COL24A1: variants seen among roughly 807,000 people sequenced by gnomAD.
The protein encoded by COL24A1 is collagen alpha-1(XXIV) chain.
In COL24A1, 224 loss-of-function variants were observed where a neutral mutation model predicts 253.9. The ratio of observed to expected loss-of-function variants is 0.88; its 90% CI spans 0.79 to 0.99. The LOEUF (loss-of-function observed/expected upper bound fraction) is 0.99. COL24A1 is among the 50% of genes least tolerant of loss of function. The probability of loss-of-function intolerance (pLI) is 0.00; values close to 1 mark genes in which losing one functional copy is unlikely to be tolerated. For missense variants in COL24A1, 2,131 were observed against 2,068.5 expected (o/e 1.03, Z -0.59); for synonymous variants, 685 against 673.7 (o/e 1.02, Z -0.26).
chr1:86,012,818 A>G (rs1334241970), intron 19 of COL24A1, among the ~76,000 whole-genome samples: 1 of 152,096 alleles, frequency 6.6e-6, no homozygotes, highest in Non-Finnish European at 1.5e-5. Context: ...TCTCCTGCCT[A>G]CTTTTCCAAC....
chr1:85,822,510 C>G (rs1033115910), intron 45 of COL24A1, among the ~76,000 whole-genome samples: 1 of 152,196 alleles, frequency 6.6e-6, no homozygotes, highest in Non-Finnish European at 1.5e-5. Flanking sequence ...CAATGTCTAT[C>G]TGGCCACATG....
chr1:85,849,462 G>GT, intron 37 of COL24A1, 56 bp from the exon 38 acceptor site: 1 of 1,274,154 alleles, frequency 7.8e-7, no homozygotes, highest in East Asian at 2.3e-5. Context: ...ATGAGATGGA[G>GT]TATTTGAATA....
chr1:85,982,377 C>T (rs550644384), intron 20 of COL24A1, among the ~76,000 whole-genome samples: 1 of 152,028 alleles, frequency 6.6e-6, no homozygotes, highest in African/African-American at 2.4e-5. Flanking sequence ...TGTTACAATA[C>T]TGTAAACAAA....
chr1:86,106,832 C>G (rs1705026223), intron 5 of COL24A1, among the ~76,000 whole-genome samples: 1 of 152,150 alleles, frequency 6.6e-6, no homozygotes, highest in African/African-American at 2.4e-5. Context: ...TAATGATCCC[C>G]ATAGTCTTTC....
In COL24A1 at chr1:85,756,950, G is replaced by T. The variant is rs1013174189; in HGVS notation, c.4437+4446C>A. On this transcript the variant is annotated intron_variant, in intron 55 of 59. Coordinates refer to ENST00000370571, the MANE Select transcript of COL24A1 (RefSeq NM_152890.7). Reference sequence around the variant, plus strand: ...ATATTACGTTAAGTGAAATAAGCCAGTCACAAAAAGACAAATATTGTATGA... The same window carrying T: ...ATATTACGTTAAGTGAAATAAGCCATTCACAAAAAGACAAATATTGTATGA... Among the ~76,000 whole-genome samples the T allele has an allele frequency of 1.1e-4, 17 of 152,322 alleles. No homozygotes were observed. The East Asian group carries it at 2.1e-3, about 19-fold the overall frequency.
intron 32 of COL24A1, among the ~76,000 whole-genome samples, chr1:85,881,357 A>G (rs569262575): frequency 6.6e-6 from 1 of 152,192 alleles, no homozygotes; most frequent in African/African-American, 2.4e-5. Context: ...CATTTAAGTT[A>G]TCAAATTTGT....
At chr1:85,905,427 T>C (rs1269856497) in intron 28 of COL24A1, among the ~76,000 whole-genome samples, 4 of 152,096 alleles carry the variant, frequency 2.6e-5, no homozygotes, top group East Asian at 1.9e-4. Flanking sequence ...AACTTCCCAA[T>C]GCTATTTTCT....
Position 86,125,085 on chromosome 1 carries a change from G to A in COL24A1, c.1251C>T (p.His417=), listed in dbSNP as rs1414132969. The change falls in exon 3 of 60, where the codon CAC becomes CAT. Residue 417 remains histidine (H), a synonymous_variant. Transcript: ENST00000370571. ...GTTGCATTTCCATGAGTTCGTTAGTGTGTAGATTTGCTGTGATAGCCTTCT... is the reference window on the plus strand; with the variant it reads ...GTTGCATTTCCATGAGTTCGTTAGTATGTAGATTTGCTGTGATAGCCTTCT... ...NLKKAITANL[H]TNELMEMQPI... 2 of 1,613,196 alleles carry A rather than the reference G, an allele frequency of 1.2e-6. No homozygotes were observed. The highest frequency in any genetic ancestry group is 2.2e-5 in the South Asian group (2 of 91,038).
intron 57 of COL24A1, among the ~76,000 whole-genome samples, chr1:85,742,554 C>T (rs1415107407): frequency 1.3e-5 from 2 of 152,080 alleles, no homozygotes; most frequent in Admixed American, 6.5e-5. Flanking sequence ...CCTTCTTGAC[C>T]TTGAACTTGA....
intron 55 of COL24A1, among the ~76,000 whole-genome samples, chr1:85,746,020 A>C (rs1665171311): frequency 6.6e-6 from 1 of 152,218 alleles, no homozygotes; most frequent in African/African-American, 2.4e-5. Context: ...CAAAAGAAAT[A>C]ATACAGAATG....
chr1:85,805,655 T>C (rs530549591), intron 47 of COL24A1, among the ~76,000 whole-genome samples: 112 of 152,208 alleles, frequency 7.4e-4, no homozygotes, highest in Non-Finnish European at 1.5e-3. Context: ...AGAAATATAA[T>C]TATGCCTACC....
intron 7 of COL24A1, among the ~76,000 whole-genome samples, chr1:86,068,155 T>G (rs1305830342): frequency 6.6e-6 from 1 of 152,164 alleles, no homozygotes; most frequent in Non-Finnish European, 1.5e-5. Context: ...TTAACAACTA[T>G]CCACACACAG....
At chr1:86,124,712 A>G (rs1572003890) in intron 3 of COL24A1, 133 bp downstream of exon 3, 4 of 593,196 alleles carry the variant, frequency 6.7e-6, no homozygotes, top group East Asian at 6.4e-5. Flanking sequence ...TTACTGTGCC[A>G]GAATGCATTT....
chr1:86,126,113 C>T lies in COL24A1; in HGVS notation c.223G>A (p.Val75Ile). 2.5e-6 allele frequency: 4 copies of T among 1,612,756 alleles called. No homozygotes were observed. Among genetic ancestry groups the T allele is most frequent in the South Asian group, 1.1e-5 (1 of 91,072 alleles). Residue 75 changes from valine to isoleucine, a missense_variant, in exon 3 of 60, where the codon GTC becomes ATC. By Grantham distance (29) the Val-to-Ile change is conservative. Transcript: ENST00000370571. ...ATGACTCCTGATTCTGTTAAATGGA[C>T]CCCCTGAGGTAACGGTGTAGATGCT... Reference protein sequence around the residue: ...PSASTPLPQGVHLTESGVIFK... With the variant: ...PSASTPLPQGIHLTESGVIFK...
At chr1:85,904,611 G>A (rs1684627409) in intron 28 of COL24A1, among the ~76,000 whole-genome samples, 1 of 152,078 alleles carries the variant, frequency 6.6e-6, no homozygotes, top group African/African-American at 2.4e-5. Context: ...AAAGCTTAGA[G>A]TATGTAGGAT....
chr1:86,120,525 A>G (rs1035730948), intron 3 of COL24A1, among the ~76,000 whole-genome samples: 3 of 152,260 alleles, frequency 2.0e-5, no homozygotes, highest in African/African-American at 7.2e-5. Context: ...TATGCAGCCA[A>G]CAGACACATG....
chr1:85,912,305 C>T (rs149287407), intron 24 of COL24A1, among the ~76,000 whole-genome samples: 5 of 152,154 alleles, frequency 3.3e-5, no homozygotes, highest in Non-Finnish European at 7.4e-5. Context: ...TTTGTCTTTA[C>T]GGATTCTCAA....
chr1:85,923,188 C>T (rs1314158701), intron 24 of COL24A1, among the ~76,000 whole-genome samples: 1 of 152,158 alleles, frequency 6.6e-6, no homozygotes, highest in Non-Finnish European at 1.5e-5. Flanking sequence ...TAGGGATCTA[C>T]AAACAGACTT....
chr1:86,045,972 T>A (rs1559109851), intron 12 of COL24A1: 1 of 327,152 alleles, frequency 3.1e-6, no homozygotes, highest in Non-Finnish European at 6.1e-6. Flanking sequence ...AATTACTGAT[T>A]TTACCACTTT....
Sources: allele counts gnomAD v4.1 joint callset (sites outside exome capture counted in the v4.1 genomes callset), GRCh38; gene constraint gnomAD v4.1.1; transcripts MANE v1.5; gene names NCBI Gene and HGNC (gene_info 2026-07-23, HGNC 2026-07-21).